Variants in CSMD1 observed in about 807,000 individuals in gnomAD.
The protein encoded by CSMD1 is CUB and Sushi multiple domains 1.
In CSMD1, 213 loss-of-function variants were observed where a neutral mutation model predicts 417.5. That is an observed-to-expected ratio of 0.51 (90% confidence interval 0.46 to 0.57). The LOEUF (loss-of-function observed/expected upper bound fraction) is 0.57, where lower values mean the gene tolerates loss of function less well. CSMD1 is among the 20% of genes least tolerant of loss of function. The probability of loss-of-function intolerance (pLI) is 0.00; values close to 1 mark genes in which losing one functional copy is unlikely to be tolerated. For synonymous variants in CSMD1, 2,862 were observed against 1,736.8 expected, an observed-to-expected ratio of 1.65 and a Z score of -16.11; for missense variants, 6,923 against 4,529.7, an observed-to-expected ratio of 1.53 and a Z score of -15.17.
intron 1 of CSMD1, among the ~76,000 whole-genome samples, chr8:4,729,982 CT>C (rs1277500713): frequency 7.2e-5 from 11 of 152,132 alleles, no homozygotes; most frequent in Admixed American, 4.6e-4. Flanking sequence ...CAAATCACTT[CT>C]CCTCTCCCGA....
chr8:4,986,857 T>A (rs990476737), intron 1 of CSMD1, among the ~76,000 whole-genome samples: 2 of 152,228 alleles, frequency 1.3e-5, no homozygotes, highest in Non-Finnish European at 2.9e-5. Context: ...GTGAGCTAAA[T>A]GGTCTGTGAA....
In CSMD1 at chr8:4,503,528, G is replaced by A. The variant is rs17070447; in HGVS notation, c.303-83463C>T. On this transcript the variant is annotated intron_variant, in intron 2 of 69. Coordinates refer to ENST00000635120, the MANE Select transcript of CSMD1 (RefSeq NM_033225.6). ...TCCAAGCACTCACACCTGAGACACC[G>A]TTAAATCCAATAAATGATTTTGTCA... Among the ~76,000 whole-genome samples, 1,473 of 152,128 alleles carry A rather than the reference G, an allele frequency of 9.7e-3. 26 individuals carry two copies. The highest frequency in any genetic ancestry group is 0.031 in the African/African-American group (1,305 of 41,480).
intron 5 of CSMD1, among the ~76,000 whole-genome samples, chr8:3,852,801 C>A (rs185996134): frequency 1.1e-4 from 16 of 152,220 alleles, no homozygotes; most frequent in African/African-American, 3.9e-4. Flanking sequence ...CTCCTCCAAG[C>A]GCACGCTTCA....
At chr8:4,226,277 G>T (rs1194764394) in intron 3 of CSMD1, among the ~76,000 whole-genome samples, 1 of 152,086 alleles carries the variant, frequency 6.6e-6, no homozygotes, top group African/African-American at 2.4e-5. Flanking sequence ...AAGTATTTGG[G>T]TATTTGGATA....
chr8:3,569,831 C>T (rs776268631), intron 10 of CSMD1, among the ~76,000 whole-genome samples: 5 of 152,252 alleles, frequency 3.3e-5, no homozygotes, highest in South Asian at 2.1e-4. Flanking sequence ...TGGTGCTTTG[C>T]TAAGAGTATT....
At chr8:3,461,988 ACACGTGTTC>A (rs1816535099) in intron 12 of CSMD1, among the ~76,000 whole-genome samples, 3 of 152,116 alleles carry the variant, frequency 2.0e-5, no homozygotes, top group African/African-American at 7.2e-5. Context: ...AGTGTGTGTT[ACACGTGTTC>A]CTAGGAAACG....
intron 3 of CSMD1, among the ~76,000 whole-genome samples, chr8:4,366,448 G>A (rs563697165): frequency 1.3e-5 from 2 of 152,164 alleles, no homozygotes; most frequent in Admixed American, 1.3e-4. Flanking sequence ...AATCCCAAAG[G>A]TGGGACTGCT....
intron 5 of CSMD1, among the ~76,000 whole-genome samples, chr8:3,770,067 G>T (rs1390747999): frequency 6.6e-6 from 1 of 152,142 alleles, no homozygotes. Context: ...GAAGGCTTGC[G>T]TCTCTATTTC....
chr8:4,426,340 G>C (rs538316446), intron 2 of CSMD1, among the ~76,000 whole-genome samples: 1 of 150,284 alleles, frequency 6.7e-6, no homozygotes, highest in Admixed American at 6.6e-5. Flanking sequence ...GTAGTATATA[G>C]CATATAATTT....
At chr8:4,290,055 C>G (rs1797276205) in intron 3 of CSMD1, among the ~76,000 whole-genome samples, 1 of 152,174 alleles carries the variant, frequency 6.6e-6, no homozygotes, top group Non-Finnish European at 1.5e-5. Context: ...GAACCAACAA[C>G]TGCAAATTCA....
intron 2 of CSMD1, among the ~76,000 whole-genome samples, chr8:4,556,699 G>A (rs547150101): frequency 6.6e-6 from 1 of 152,202 alleles, no homozygotes; most frequent in South Asian, 2.1e-4. Flanking sequence ...AGTTTAATTA[G>A]CGGAAACACA....
chr8:3,199,281 G>A (rs1181549398), intron 33 of CSMD1, among the ~76,000 whole-genome samples: 1 of 152,060 alleles, frequency 6.6e-6, no homozygotes. Flanking sequence ...GTTTTGTTTT[G>A]TTAAATTTCC....
Position 3,887,625 on chromosome 8 carries a change from T to C in CSMD1, c.818+110278A>G, listed in dbSNP as rs551880093. On this transcript the variant is annotated intron_variant, in intron 5 of 69. Transcript: ENST00000635120. ...GCTCCCCAGGTAATTCTAATATAAA[T>C]AGAGAGTTGAGAACACTGTTCCACA... Among the ~76,000 whole-genome samples the C allele has an allele frequency of 4.6e-5, 7 of 152,310 alleles. No individual in the cohort carries two copies. In the East Asian group the frequency reaches 7.7e-4, roughly 17 times the overall value.
chr8:4,979,213 A>G (rs1810736841), intron 1 of CSMD1, among the ~76,000 whole-genome samples: 1 of 152,116 alleles, frequency 6.6e-6, no homozygotes, highest in Admixed American at 6.5e-5. Flanking sequence ...CTGAGAGTCT[A>G]ATTTTTTTTT....
chr8:4,848,708 T>G (rs1801291369), intron 1 of CSMD1, among the ~76,000 whole-genome samples: 1 of 152,120 alleles, frequency 6.6e-6, no homozygotes, highest in South Asian at 2.1e-4. Context: ...CCCAGCTAAT[T>G]TTTGTATATT....
At position 4,624,637 on chromosome 8, in the gene CSMD1, G is replaced by A. The variant is rs528662911; in HGVS notation, c.302+12705C>T. Among the ~76,000 whole-genome samples the A allele has an allele frequency of 2.0e-5, 3 of 152,242 alleles. No individual in the cohort carries two copies. In the East Asian group the frequency reaches 5.8e-4, roughly 29 times the overall value. On this transcript the variant is annotated intron_variant, in intron 2 of 69. Coordinates refer to ENST00000635120, the MANE Select transcript of CSMD1 (RefSeq NM_033225.6). ...ACGCCTCACATTTTTGCCTGGCAAC[G>A]GTGGGTCGGTGCCCAGCAGCAGCTG...
intron 3 of CSMD1, among the ~76,000 whole-genome samples, chr8:4,128,538 C>G (rs958439024): frequency 6.6e-6 from 1 of 152,172 alleles, no homozygotes; most frequent in East Asian, 1.9e-4. Context: ...CTCCTATATT[C>G]TATTTTTACA....
At chr8:4,288,413 T>C (rs1797178803) in intron 3 of CSMD1, among the ~76,000 whole-genome samples, 1 of 152,168 alleles carries the variant, frequency 6.6e-6, no homozygotes. Context: ...CTCAGGCTTG[T>C]TCACACAAAC....
At chr8:4,225,863 G>C (rs1268931128) in intron 3 of CSMD1, among the ~76,000 whole-genome samples, 2 of 152,076 alleles carry the variant, frequency 1.3e-5, no homozygotes, top group Admixed American at 6.6e-5. Flanking sequence ...AGTTTTAACT[G>C]TGCATATATT....
Sources: allele counts gnomAD v4.1 joint callset (sites outside exome capture counted in the v4.1 genomes callset), GRCh38; gene constraint gnomAD v4.1.1; transcripts MANE v1.5; gene names NCBI Gene and HGNC (gene_info 2026-07-23, HGNC 2026-07-21).